CD1E: variants seen among roughly 807,000 people sequenced by gnomAD.
The protein encoded by CD1E is T-cell surface glycoprotein CD1e, membrane-associated.
A neutral mutation model predicts 40.1 loss-of-function variants in CD1E; 49 were observed. The ratio of observed to expected loss-of-function variants is 1.22; its 90% confidence interval spans 0.97 to 1.55. The LOEUF (loss-of-function observed/expected upper bound fraction) is 1.55, where lower values mean the gene tolerates loss of function less well. Among genes scored for constraint, CD1E ranks in the 40% most tolerant of loss-of-function variants. The pLI is 0.00. For missense variants in CD1E, 492 were observed against 471.3 expected (o/e 1.04, Z -0.41); for synonymous variants, 189 against 178.3 (o/e 1.06, Z -0.48).
Position 158,355,586 on chromosome 1 carries a change from C to G in CD1E, c.625+17C>G. On this transcript the variant is annotated intron_variant, in intron 3 of 5. Coordinates refer to ENST00000368167, the MANE Select transcript of CD1E (RefSeq NM_030893.4). ...AACGGAAAGGTGAGCCCAACTCTCT[C>G]TCTCCCCTCTTGTTCCTAGTACTAT... is the stretch of plus-strand genomic sequence containing the variant. 3 of 1,610,802 alleles carry G rather than the reference C, an allele frequency of 1.9e-6. No individual in the cohort carries two copies. The highest frequency in any genetic ancestry group is 8.5e-7 in the Non-Finnish European group (1 of 1,178,162).
chr1:158,355,415 AT>A lies in CD1E; in HGVS notation c.472del (p.Ser158LeufsTer19), dbSNP rs765102879. The A allele has an allele frequency of 6.2e-7, 1 of 1,614,102 alleles. No homozygotes were observed. The highest frequency in any genetic ancestry group is 8.5e-7 in the Non-Finnish European group (1 of 1,179,990). On this transcript the variant is annotated frameshift_variant, in exon 3 of 6. Coordinates refer to ENST00000368167, the MANE Select transcript of CD1E (RefSeq NM_030893.4). LOFTEE classifies it high-confidence loss of function. The stretch of plus-strand genomic sequence containing the variant: ...GTTTCCAAGGAATTTCCTGGGAGCC[AT>A]CTCCAGGAGCAGGGATCCGGGCCCA... ...LSFQGISWEP[S>X]PGAGIRAQNI...
intron 4 of CD1E, 49 bp downstream of exon 4, chr1:158,356,154 G>A: frequency 3.7e-6 from 6 of 1,602,086 alleles, no homozygotes; most frequent in Non-Finnish European, 5.1e-6. Context: ...ATAGCCCTGG[G>A]GCTTTTGAGT....
rs1388241411 is a variant in CD1E, at chr1:158,354,540, C to T, written c.222C>T (p.Ile74=). 2 of 1,614,038 alleles carry T rather than the reference C, an allele frequency of 1.2e-6. No homozygotes were observed. Among genetic ancestry groups the T allele is most frequent in the Non-Finnish European group, 1.7e-6 (2 of 1,180,042 alleles). ...THGWDTVLGT[I]RFLKPWSHGN... ...GCTGGGACACTGTCTTGGGCACCATCCGCTTTCTGAAGCCCTGGTCCCATG... is the reference window on the plus strand; with the variant it reads ...GCTGGGACACTGTCTTGGGCACCATTCGCTTTCTGAAGCCCTGGTCCCATG... Residue 74 remains isoleucine, a synonymous_variant, in exon 2 of 6, where the codon ATC becomes ATT. Coordinates refer to ENST00000368167, the MANE Select transcript of CD1E (RefSeq NM_030893.4).
At chr1:158,356,289 A>G (rs1160869401) in intron 4 of CD1E, 184 bp downstream of exon 4, 2 of 805,002 alleles carry the variant, frequency 2.5e-6, no homozygotes, top group Non-Finnish European at 3.9e-6. Context: ...AGAATTAGAC[A>G]TACTAACAGA....
chr1:158,354,402 T>G lies in CD1E; in HGVS notation c.84T>G (p.His28Gln). The part of the protein sequence containing the change: ...TAAPQALQSY[H>Q]LAAEEQLSFR... ...CTCCCCAGGCTCTACAATCCTATCA[T>G]CTAGCAGCAGAGGAGCAGCTGTCCT... Residue 28 changes from histidine (H) to glutamine (Q), a missense_variant, in exon 2 of 6, where the codon CAT becomes CAG. Transcript: ENST00000368167. The G allele has an allele frequency of 6.2e-7, 1 of 1,611,868 alleles. No homozygotes were observed. The highest frequency in any genetic ancestry group is 1.1e-5 in the South Asian group (1 of 90,552).
rs747031931 is a variant in CD1E, at chr1:158,353,941, A to G, written c.-48A>G. ...GGAGAGGGGTACTGATATCTGAATTATTAGGGCAGGTGTCCTGCCAAGGAA... is the reference window on the plus strand; with the variant it reads ...GGAGAGGGGTACTGATATCTGAATTGTTAGGGCAGGTGTCCTGCCAAGGAA... On this transcript the variant is annotated 5_prime_UTR_variant, in exon 1 of 6. Transcript: ENST00000368167. The G allele has an allele frequency of 4.7e-6, 7 of 1,483,134 alleles. No individual in the cohort carries two copies. The highest frequency in any genetic ancestry group is 6.6e-6 in the Non-Finnish European group (7 of 1,061,462). 91.9% of individuals were successfully genotyped at this position (1,483,134 alleles called of 1,614,324 possible).
Position 158,356,064 on chromosome 1 carries a change from A to G in CD1E, c.863A>G (p.Lys288Arg). 1 of 1,613,970 alleles carries G rather than the reference A, an allele frequency of 6.2e-7. No homozygotes were observed. The highest frequency in any genetic ancestry group is 2.2e-5 in the East Asian group (1 of 44,862). ...GEAAGLSCRV[K>R]HSSLGGHDLI... ...GCAGCTGGCCTGTCCTGTCGGGTGA[A>G]ACACAGCAGTCTAGGGGGCCATGAT... Residue 288 changes from lysine to arginine, a missense_variant, in exon 4 of 6, where the codon AAA becomes AGA. Transcript: ENST00000368167.
Position 158,356,768 on chromosome 1 carries a change from G to C in CD1E, c.1039G>C (p.Val347Leu), listed in dbSNP as rs372302355. Residue 347 changes from valine (V) to leucine (L), a missense_variant, in exon 6 of 6, where the codon GTC becomes CTC. By Grantham distance (32) the Val-to-Leu change is conservative. Coordinates refer to ENST00000368167, the MANE Select transcript of CD1E (RefSeq NM_030893.4). ...NILSPHTPSP[V>L]FLMGANTQDT... ...TCTTTCTCCCCACACACCCAGCCCT[G>C]TCTTTCTCATGGGAGCCAACACTCA... 2.4e-5 allele frequency: 39 copies of C among 1,612,348 alleles called. No homozygotes were observed. The African/African-American group carries it at 5.1e-4, about 21-fold the overall frequency.
intron 3 of CD1E, 122 bp from the exon 4 acceptor site, chr1:158,355,705 G>A (rs932362134): frequency 1.4e-5 from 20 of 1,420,858 alleles, no homozygotes; most frequent in Non-Finnish European, 1.8e-5. Flanking sequence ...CTGTTTCTTA[G>A]ACAAGAGAAA....
In CD1E at chr1:158,354,048, T is replaced by A; in HGVS notation, c.58+2T>A. 1 of 1,612,906 alleles carries A rather than the reference T, an allele frequency of 6.2e-7. No individual in the cohort carries two copies. The highest frequency in any genetic ancestry group is 8.5e-7 in the Non-Finnish European group (1 of 1,178,940). ...GCTGTCCTGGGGAAAATACAGCAGG[T>A]AAGAAGAGTGCAGGTGGAAAGATAC... On this transcript the variant is annotated splice_donor_variant, in intron 1 of 5. Transcript: ENST00000368167. LOFTEE classifies it high-confidence loss of function.
At chr1:158,356,469 G>T in intron 4 of CD1E, 29 bp from the exon 5 acceptor site, 5 of 1,509,396 alleles carry the variant, frequency 3.3e-6, no homozygotes, top group Non-Finnish European at 4.6e-6. Flanking sequence ...GTATTTTAGG[G>T]TTGGTATTCT....
rs115073917 is a variant in CD1E at position 158,356,839 on chromosome 1, G to T, written c.1110G>T (p.Ser370=). ...ATCAGTTCTGCTTGGCACAAGTATC[G>T]TGGATCAAAAACAGAGTATTGAAGA... ...SRHQFCLAQV[S]WIKNRVLKKW... is the part of the protein sequence containing the mutation. The change falls in exon 6 of 6, where the codon TCG becomes TCT. Residue 370 remains serine, a synonymous_variant. Transcript: ENST00000368167. 2.1e-4 allele frequency: 339 copies of T among 1,613,856 alleles called. 2 individuals carry two copies. Among genetic ancestry groups the T allele is most frequent in the Non-Finnish European group, 2.8e-4 (327 of 1,179,984 alleles).
chr1:158,355,433 C>T lies in CD1E; in HGVS notation c.489C>T (p.Ile163=), dbSNP rs1321012519. Residue 163 remains isoleucine (I), a synonymous_variant, in exon 3 of 6, where the codon ATC becomes ATT. Coordinates refer to ENST00000368167, the MANE Select transcript of CD1E (RefSeq NM_030893.4). ...ISWEPSPGAG[I]RAQNICKVLN... ...GGGAGCCATCTCCAGGAGCAGGGAT[C>T]CGGGCCCAGAACATCTGTAAAGTGC... 5 of 1,614,110 alleles carry T rather than the reference C, an allele frequency of 3.1e-6. No individual in the cohort carries two copies. Among genetic ancestry groups the T allele is most frequent in the Non-Finnish European group, 4.2e-6 (5 of 1,180,038 alleles).
At chr1:158,355,770 G>T (rs1047543272) in intron 3 of CD1E, 57 bp from the exon 4 acceptor site, 2 of 1,535,616 alleles carry the variant, frequency 1.3e-6, no homozygotes, top group Admixed American at 4.3e-5. Flanking sequence ...GAGTCTCTGA[G>T]CTCTGGCCTG....
At position 158,356,604 on chromosome 1, in the gene CD1E, T is replaced by C; in HGVS notation, c.998+13T>C. 1 of 1,608,428 alleles carries C rather than the reference T, an allele frequency of 6.2e-7. No homozygotes were observed. Among genetic ancestry groups the C allele is most frequent in the Non-Finnish European group, 8.5e-7 (1 of 1,175,278 alleles). On this transcript the variant is annotated intron_variant, in intron 5 of 5. Coordinates refer to ENST00000368167, the MANE Select transcript of CD1E (RefSeq NM_030893.4). ...TAAAAAAACAGAGGTGAGCTTTTTC[T>C]TGTTCTTTGTTTCTTCAGCCTGTAA...
intron 4 of CD1E, 80 bp downstream of exon 4, chr1:158,356,185 A>G (rs181915397): frequency 1.6e-4 from 236 of 1,494,724 alleles, no homozygotes; most frequent in Middle Eastern, 7.0e-4. Flanking sequence ...GGAAATGGGT[A>G]GGAATGCTAG....
In CD1E at chr1:158,356,783, G is replaced by A. The variant is rs1377236404; in HGVS notation, c.1054G>A (p.Ala352Thr). The A allele has an allele frequency of 1.2e-5, 19 of 1,613,452 alleles. No individual in the cohort carries two copies. The highest frequency in any genetic ancestry group is 1.7e-5 in the Admixed American group (1 of 59,948). Reference sequence around the variant, plus strand: ...ACCCAGCCCTGTCTTTCTCATGGGAGCCAACACTCAGGACACCAAGAATTC... The same window carrying A: ...ACCCAGCCCTGTCTTTCTCATGGGAACCAACACTCAGGACACCAAGAATTC... ...HTPSPVFLMG[A>T]NTQDTKNSRH... Residue 352 changes from alanine to threonine, a missense_variant, in exon 6 of 6, where the codon GCC becomes ACC. By Grantham distance (58) the Ala-to-Thr change is moderately conservative (BLOSUM62 0). Coordinates refer to ENST00000368167, the MANE Select transcript of CD1E (RefSeq NM_030893.4).
At chr1:158,355,263 C>G in intron 2 of CD1E, 37 bp from the exon 3 acceptor site, 5 of 1,584,856 alleles carry the variant, frequency 3.2e-6, no homozygotes, top group South Asian at 1.1e-5. Context: ...CCTTGTCATT[C>G]TTTCCATAAT....
chr1:158,354,207 C>T (rs1418995468), intron 1 of CD1E, 161 bp downstream of exon 1: 1 of 909,810 alleles, frequency 1.1e-6, no homozygotes, highest in Non-Finnish European at 1.7e-6. Flanking sequence ...CTCTCAGTCT[C>T]AGTTTTTGTC....
Sources: gnomAD v4.1 joint callset for allele counts on GRCh38, gnomAD v4.1.1 for gene constraint, MANE v1.5 for transcripts, NCBI Gene and HGNC (gene_info 2026-07-23, HGNC 2026-07-21) for gene names.